The following LRBA variants were observed in gnomAD, a reference collection of about 807,000 sequenced individuals.
LRBA encodes lipopolysaccharide-responsive and beige-like anchor protein.
A neutral mutation model predicts 330.0 loss-of-function variants in LRBA; 176 were observed. The ratio of observed to expected loss-of-function variants is 0.53; its 90% CI spans 0.47 to 0.60. The LOEUF (loss-of-function observed/expected upper bound fraction) is 0.60, where lower values mean the gene tolerates loss of function less well. LRBA is among the 20% of genes least tolerant of loss of function. The pLI, the probability that LRBA is intolerant of heterozygous loss-of-function variation, is 0.00. For missense variants in LRBA, 3,259 were observed against 3,444.8 expected, an observed-to-expected ratio of 0.95 and a Z score of 1.35; for synonymous variants, 1,230 against 1,193.0, an observed-to-expected ratio of 1.03 and a Z score of -0.64.
In LRBA at chr4:150,808,389, G is replaced by C; in HGVS notation, c.5315C>G (p.Ser1772Ter). The C allele has an allele frequency of 1.3e-6, 2 of 1,592,182 alleles. No individual in the cohort carries two copies. Among genetic ancestry groups the C allele is most frequent in the African/African-American group, 1.3e-5 (1 of 74,588 alleles). ...AACTGAGGGCAATTTTGCATTAGAT[G>C]ATCTACTGCCTATAAAAGAAAAATA... ...DMGGESPGSR[S>*]SNAKLPSVPT... is the part of the protein sequence containing the mutation. Residue 1772 changes from serine to a stop codon, truncating the protein, a stop_gained, in exon 32 of 57, where the codon TCA (serine) becomes TGA (stop). Transcript: ENST00000651943. LOFTEE classifies it high-confidence loss of function.
At chr4:150,385,865 G>A (rs1014844829) in intron 47 of LRBA, among the ~76,000 whole-genome samples, 4 of 152,150 alleles carry the variant, frequency 2.6e-5, no homozygotes, top group African/African-American at 9.7e-5. Context: ...GAGCCAGAGG[G>A]CAAATGTGGC....
In LRBA at chr4:150,638,099, T is replaced by A. The variant is rs142452432; in HGVS notation, c.5922-38968A>T. Among the ~76,000 whole-genome samples the A allele has an allele frequency of 4.6e-5, 7 of 152,070 alleles. No individual in the cohort carries two copies. In the East Asian group the frequency reaches 5.8e-4, roughly 13 times the overall value. The stretch of plus-strand genomic sequence containing the variant: ...TTTGTTTACAATTTCTTTAATTATT[T>A]TTTTTTTTTGCAACCTCTGCCTCCT... On this transcript the variant is annotated intron_variant, in intron 37 of 56. Transcript: ENST00000651943.
chr4:150,802,521 T>G lies in LRBA; in HGVS notation c.5518+3750A>C, dbSNP rs527242537. The stretch of plus-strand genomic sequence containing the variant: ...CATATAATAATTGTAAGACATAATT[T>G]AAAATTTTCAAGCTTGTGTTCTCTT... On this transcript the variant is annotated intron_variant, in intron 33 of 56. Coordinates refer to ENST00000651943, the MANE Select transcript of LRBA (RefSeq NM_001364905.1). Among the ~76,000 whole-genome samples, 15 of 152,158 alleles carry G rather than the reference T, an allele frequency of 9.9e-5. No individual in the cohort carries two copies. In the South Asian group the frequency reaches 3.1e-3, roughly 32 times the overall value.
intron 2 of LRBA, among the ~76,000 whole-genome samples, chr4:150,947,406 A>G (rs1736360515): frequency 6.6e-6 from 1 of 152,092 alleles, no homozygotes; most frequent in Non-Finnish European, 1.5e-5. Context: ...GTAATCCACC[A>G]TATTAATAGG....
intron 46 of LRBA, among the ~76,000 whole-genome samples, chr4:150,430,168 T>C (rs1008305442): frequency 1.3e-5 from 2 of 152,166 alleles, no homozygotes; most frequent in African/African-American, 2.4e-5. Flanking sequence ...ATATCTTAAA[T>C]GTATCCACAT....
At position 150,641,861 on chromosome 4, in the gene LRBA, T is replaced by C. The variant is rs1205181021; in HGVS notation, c.5921+41690A>G. Among the ~76,000 whole-genome samples, 3 of 152,018 alleles carry C rather than the reference T, an allele frequency of 2.0e-5. No homozygotes were observed. The East Asian group carries it at 5.8e-4, about 29-fold the overall frequency. ...CAGATCAAGCAAATCACTTTGAAAG[T>C]ACAGAAATAAGTGAAGCATGAGGCT... On this transcript the variant is annotated intron_variant, in intron 37 of 56. Transcript: ENST00000651943.
intron 36 of LRBA, among the ~76,000 whole-genome samples, chr4:150,725,595 T>C (rs577646112): frequency 6.6e-6 from 1 of 152,314 alleles, no homozygotes; most frequent in South Asian, 2.1e-4. Context: ...AAGGGAGCTC[T>C]ACAATCTGAA....
At chr4:150,335,249 C>G (rs7655683) in intron 48 of LRBA, among the ~76,000 whole-genome samples, 92,140 of 151,494 alleles carry the variant, frequency 0.61, 28,571 homozygotes, top group Non-Finnish European at 0.68. Context: ...TACTTAAACT[C>G]TGATAATGGA....
At chr4:150,526,732 G>A (rs996753068) in intron 40 of LRBA, among the ~76,000 whole-genome samples, 2 of 151,942 alleles carry the variant, frequency 1.3e-5, no homozygotes, top group Non-Finnish European at 2.9e-5. Flanking sequence ...GTAAATCACA[G>A]GCATCATAAC....
intron 40 of LRBA, among the ~76,000 whole-genome samples, chr4:150,548,688 T>A (rs1322230471): frequency 6.6e-6 from 1 of 152,184 alleles, no homozygotes; most frequent in Admixed American, 6.5e-5. Context: ...AAGTATCCCC[T>A]CTGTTTTGGA....
At chr4:150,780,844 C>A (rs959490292) in intron 34 of LRBA, among the ~76,000 whole-genome samples, 1 of 151,742 alleles carries the variant, frequency 6.6e-6, no homozygotes, top group Non-Finnish European at 1.5e-5. Context: ...CAGGATGATT[C>A]AAGCACATTA....
chr4:150,932,694 T>A (rs1218863135), intron 2 of LRBA, among the ~76,000 whole-genome samples: 1 of 152,032 alleles, frequency 6.6e-6, no homozygotes, highest in Non-Finnish European at 1.5e-5. Context: ...GGCAGGTGGA[T>A]CCCTTGAGCG....
chr4:150,639,373 G>GAA (rs1428774639), intron 37 of LRBA, among the ~76,000 whole-genome samples: 3 of 79,290 alleles, frequency 3.8e-5, no homozygotes, highest in African/African-American at 1.1e-4. Context: ...AAAAAAAAAA[G>GAA]AAAAAAAAAA....
chr4:150,781,212 G>A (rs558325539), intron 34 of LRBA, among the ~76,000 whole-genome samples: 1 of 152,258 alleles, frequency 6.6e-6, no homozygotes, highest in Non-Finnish European at 1.5e-5. Context: ...ATTGTACTAT[G>A]TAGCAAAATA....
chr4:150,780,628 C>T (rs1338405872), intron 34 of LRBA, among the ~76,000 whole-genome samples: 3 of 98,874 alleles, frequency 3.0e-5, no homozygotes, highest in Non-Finnish European at 6.5e-5. Context: ...CATATATATA[C>T]ACGTATATAT....
Position 150,583,612 on chromosome 4 carries a change from C to T in LRBA, c.6330+4436G>A, listed in dbSNP as rs766430126. 20 of 1,614,026 alleles carry T rather than the reference C, an allele frequency of 1.2e-5. No homozygotes were observed. Among genetic ancestry groups the T allele is most frequent in the Non-Finnish European group, 1.7e-5 (20 of 1,180,018 alleles). ...GTGGCCTATGCCCCACATCCCTTGG[C>T]CCGGCCCCAATCGGGTGGCCGAGGT... is the stretch of plus-strand genomic sequence containing the variant. On this transcript the variant is annotated intron_variant, in intron 40 of 56. Transcript: ENST00000651943. This position sits in a 1 kb window ranked among gnomAD's most constrained non-coding sequence, Gnocchi z 9.8.
intron 39 of LRBA, among the ~76,000 whole-genome samples, chr4:150,590,205 G>A (rs1772633609): frequency 2.6e-5 from 4 of 152,132 alleles, no homozygotes; most frequent in Admixed American, 2.6e-4. Flanking sequence ...TCTGCAGAGT[G>A]CAAATCAAAA....
chr4:150,779,365 C>T (rs957572907), intron 34 of LRBA, among the ~76,000 whole-genome samples: 1 of 151,374 alleles, frequency 6.6e-6, no homozygotes, highest in African/African-American at 2.4e-5. Context: ...TTATTTTAAA[C>T]TAATAATCAT....
intron 2 of LRBA, among the ~76,000 whole-genome samples, chr4:150,968,161 T>C (rs1469552740): frequency 6.6e-6 from 1 of 151,984 alleles, no homozygotes; most frequent in African/African-American, 2.4e-5. Context: ...TCTGCCACCA[T>C]GTCTGGCTAA....
Sources: allele counts gnomAD v4.1 joint callset (sites outside exome capture counted in the v4.1 genomes callset), GRCh38; gene constraint gnomAD v4.1.1; non-coding constraint Gnocchi (gnomAD v3.1); transcripts MANE v1.5; gene names NCBI Gene and HGNC (gene_info 2026-07-23, HGNC 2026-07-21).